The following ZC3H12C variants were observed in gnomAD, a reference collection of about 807,000 sequenced individuals.
ZC3H12C encodes the protein probable ribonuclease ZC3H12C.
Under a neutral mutation model 76.3 loss-of-function variants are expected in ZC3H12C, and 20 were observed. The observed-to-expected ratio is 0.26, with a 90% confidence interval of 0.18 to 0.38. ZC3H12C has a LOEUF of 0.38. Ranked by LOEUF, ZC3H12C falls within the 10% of genes least tolerant of loss-of-function variation. The pLI, the probability that ZC3H12C is intolerant of heterozygous loss-of-function variation, is 1.00. For synonymous variants in ZC3H12C, 352 were observed against 399.6 expected, an observed-to-expected ratio of 0.88 and a Z score of 1.42; for missense variants, 874 against 1,086.5, an observed-to-expected ratio of 0.80 and a Z score of 2.75.
At chr11:110,146,804 C>T (rs1862180259) in intron 2 of ZC3H12C, among the ~76,000 whole-genome samples, 1 of 152,086 alleles carries the variant, frequency 6.6e-6, no homozygotes, top group Admixed American at 6.5e-5. Flanking sequence ...CTTGTCTATC[C>T]TTACCATCCA....
chr11:110,161,011 G>GTTT (rs34438018), intron 4 of ZC3H12C, among the ~76,000 whole-genome samples: 3 of 145,788 alleles, frequency 2.1e-5, no homozygotes, highest in East Asian at 2.0e-4. Flanking sequence ...TAATTTTTGT[G>GTTT]TTTTTTTTTT....
At chr11:110,157,525 C>T (rs887084315) in intron 3 of ZC3H12C, among the ~76,000 whole-genome samples, 2 of 150,928 alleles carry the variant, frequency 1.3e-5, no homozygotes, top group Admixed American at 1.3e-4. Flanking sequence ...GCCTTCACTT[C>T]CCAGGGTTCA....
At chr11:110,153,766 A>G (rs1370924661) in intron 3 of ZC3H12C, among the ~76,000 whole-genome samples, 1 of 152,226 alleles carries the variant, frequency 6.6e-6, no homozygotes, top group Non-Finnish European at 1.5e-5. Context: ...TTCTAATAAC[A>G]ACAGTTCAAA....
Position 110,165,904 on chromosome 11 carries a change from G to T in ZC3H12C, c.*167G>T. On this transcript the variant is annotated 3_prime_UTR_variant, in exon 6 of 6. Coordinates refer to ENST00000278590, the MANE Select transcript of ZC3H12C (RefSeq NM_033390.2). ...ATCTGTATGTATAGCCCCACATGGT[G>T]GAAGTATCACGGGATTGCTTTACAT... 3 of 648,860 alleles carry T rather than the reference G, an allele frequency of 4.6e-6. No homozygotes were observed. Among genetic ancestry groups the T allele is most frequent in the East Asian group, 2.9e-5 (1 of 34,130 alleles). The allele number at this position is 648,860 out of a possible 1,614,324, so 40.2% of individuals were successfully genotyped here. A position where few individuals can be genotyped will look rare whatever the true frequency, so the allele number is the denominator to read the frequency against.
At chr11:110,143,987 T>A (rs1564011) in intron 2 of ZC3H12C, among the ~76,000 whole-genome samples, 6 of 152,112 alleles carry the variant, frequency 3.9e-5, no homozygotes, top group Admixed American at 2.0e-4. Flanking sequence ...CAAGTACATC[T>A]TAGAATATAG....
At chr11:110,116,866 AG>A (rs1415520683) in intron 1 of ZC3H12C, among the ~76,000 whole-genome samples, 1 of 152,210 alleles carries the variant, frequency 6.6e-6, no homozygotes, top group Non-Finnish European at 1.5e-5. Context: ...TTCAGGGAGA[AG>A]GCATGGTATG....
intron 1 of ZC3H12C, among the ~76,000 whole-genome samples, chr11:110,122,076 A>T (rs1861660681): frequency 6.6e-6 from 1 of 152,206 alleles, no homozygotes; most frequent in African/African-American, 2.4e-5. Context: ...ATTATTTAAC[A>T]CTTAAAGAAG....
chr11:110,163,885 G>A (rs1862526212), intron 5 of ZC3H12C, among the ~76,000 whole-genome samples: 1 of 152,096 alleles, frequency 6.6e-6, no homozygotes, highest in Non-Finnish European at 1.5e-5. Flanking sequence ...GATCACATGA[G>A]GCCAGGAGTT....
rs552154757 is a variant in ZC3H12C at position 110,128,520 on chromosome 11, A to G, written c.22-8143A>G. On this transcript the variant is annotated intron_variant, in intron 1 of 5. Transcript: ENST00000278590. ...CCTCCTCCTCCTAAATTAAAGCTGT[A>G]AAGTAGTAACTGTAGTAGCAAGGGA... Among the ~76,000 whole-genome samples the G allele has an allele frequency of 2.1e-4, 32 of 152,306 alleles. No homozygotes were observed. In the South Asian group the frequency reaches 3.7e-3, roughly 18 times the overall value.
rs1018057509 is a variant in ZC3H12C at position 110,169,438 on chromosome 11, A to G, written c.*3701A>G. On this transcript the variant is annotated 3_prime_UTR_variant, in exon 6 of 6. Coordinates refer to ENST00000278590, the MANE Select transcript of ZC3H12C (RefSeq NM_033390.2). ...TTTACAATGGTATTTACTTTAAAGT[A>G]TGTTTGGTTTTCATTATTCTTTTTG... The G allele has an allele frequency of 1.3e-5, 2 of 150,908 alleles. No individual in the cohort carries two copies. The highest frequency in any genetic ancestry group is 2.9e-5 in the Non-Finnish European group (2 of 67,820). 9.3% of individuals were successfully genotyped at this position (150,908 alleles called of 1,614,324 possible).
At chr11:110,136,538 G>A (rs1861961902) in intron 1 of ZC3H12C, 125 bp from the exon 2 acceptor site, 7 of 1,046,680 alleles carry the variant, frequency 6.7e-6, no homozygotes, top group Middle Eastern at 2.9e-4. Context: ...TGTTAGGAGG[G>A]AGGAGAGGAT....
intron 1 of ZC3H12C, among the ~76,000 whole-genome samples, chr11:110,100,212 C>CTTTTTTTT (rs10656341): frequency 1.5e-5 from 2 of 134,212 alleles, no homozygotes; most frequent in Non-Finnish European, 1.6e-5. Flanking sequence ...CTATATGGTA[C>CTTTTTTTT]TTTTTTTTTT....
At chr11:110,128,501 C>G (rs1861796003) in intron 1 of ZC3H12C, among the ~76,000 whole-genome samples, 1 of 152,114 alleles carries the variant, frequency 6.6e-6, no homozygotes, top group South Asian at 2.1e-4. Context: ...GATTCCTCCT[C>G]CTCCTAAATT....
intron 1 of ZC3H12C, among the ~76,000 whole-genome samples, chr11:110,099,765 T>C (rs1359925859): frequency 6.6e-6 from 1 of 151,564 alleles, no homozygotes; most frequent in African/African-American, 2.4e-5. Context: ...TGAGCTGAGA[T>C]TGTGCCACTG....
chr11:110,101,267 A>G (rs1315539436), intron 1 of ZC3H12C, among the ~76,000 whole-genome samples: 1 of 152,222 alleles, frequency 6.6e-6, no homozygotes, highest in Non-Finnish European at 1.5e-5. Flanking sequence ...TTAAGGAAAA[A>G]AGCAAGAGTG....
Position 110,171,430 on chromosome 11 carries a change from A to G in ZC3H12C, c.*5693A>G, listed in dbSNP as rs1862676987. 1 of 152,204 alleles carries G rather than the reference A, an allele frequency of 6.6e-6. No homozygotes were observed. The highest frequency in any genetic ancestry group is 2.4e-5 in the African/African-American group (1 of 41,464). The allele number at this position is 152,204 out of a possible 1,614,324, so 9.4% of individuals were successfully genotyped here. A position where few individuals can be genotyped will look rare whatever the true frequency, so the allele number is the denominator to read the frequency against. On this transcript the variant is annotated 3_prime_UTR_variant, in exon 6 of 6. Transcript: ENST00000278590. The stretch of plus-strand genomic sequence containing the variant: ...ATCCTGCGAACTTTTCTTATAGGAA[A>G]AGTAAGGCAAAGGATGTGTAGTGCA...
At chr11:110,155,820 G>A (rs572005674) in intron 3 of ZC3H12C, among the ~76,000 whole-genome samples, 34 of 152,264 alleles carry the variant, frequency 2.2e-4, no homozygotes, top group African/African-American at 7.7e-4. Flanking sequence ...GCAACTTTGT[G>A]AGGTTTTTAT....
At chr11:110,156,018 G>A (rs1348760049) in intron 3 of ZC3H12C, among the ~76,000 whole-genome samples, 2 of 152,138 alleles carry the variant, frequency 1.3e-5, no homozygotes, top group African/African-American at 4.8e-5. Context: ...CTGTGTAAGT[G>A]TGTCTAAGTT....
intron 1 of ZC3H12C, among the ~76,000 whole-genome samples, chr11:110,104,617 G>A (rs1043845266): frequency 2.0e-5 from 3 of 152,192 alleles, no homozygotes; most frequent in Admixed American, 6.5e-5. Flanking sequence ...GAGAGAGCAG[G>A]TGGGGCCTCT....
Sources: allele counts gnomAD v4.1 joint callset (sites outside exome capture counted in the v4.1 genomes callset), GRCh38; gene constraint gnomAD v4.1.1; transcripts MANE v1.5; gene names NCBI Gene and HGNC (gene_info 2026-07-23, HGNC 2026-07-21).